Variants in AP2B1 observed in about 807,000 individuals in gnomAD.
AP2B1 encodes AP-2 complex subunit beta.
Under a neutral mutation model 102.0 loss-of-function variants are expected in AP2B1, and 23 were observed. The observed-to-expected ratio is 0.23, with a 90% CI of 0.16 to 0.32. AP2B1 has a LOEUF of 0.32. Among genes scored for constraint, AP2B1 ranks in the 10% least tolerant of loss-of-function variants. The pLI is 1.00. For missense variants in AP2B1, 541 were observed against 1,157.4 expected, an observed-to-expected ratio of 0.47 and a Z score of 7.73; for synonymous variants, 381 against 421.2, an observed-to-expected ratio of 0.90 and a Z score of 1.17.
rs533076388 is a variant in AP2B1 at position 35,627,992 on chromosome 17, G to A, written c.1155+266G>A. On this transcript the variant is annotated intron_variant, in intron 9 of 21. Transcript: ENST00000610402. ...CTCCATATCCATGAGTTCCACATCC[G>A]TGGATTCAGCTAACTGCGGATCAAA... Among the ~76,000 whole-genome samples the A allele has an allele frequency of 1.8e-4, 27 of 152,184 alleles. No homozygotes were observed. The South Asian group carries it at 5.4e-3, about 30-fold the overall frequency.
At position 35,725,203 on chromosome 17, in the gene AP2B1, C is replaced by CA. The variant is rs1257257649; in HGVS notation, c.*1505dup. 1 of 152,208 alleles carries CA rather than the reference C, an allele frequency of 6.6e-6. No homozygotes were observed. Among genetic ancestry groups the CA allele is most frequent in the Non-Finnish European group, 1.5e-5 (1 of 68,046 alleles). 9.4% of individuals were successfully genotyped at this position (152,208 alleles called of 1,614,324 possible). A position where few individuals can be genotyped will look rare whatever the true frequency, so the allele number is the denominator to read the frequency against. On this transcript the variant is annotated 3_prime_UTR_variant, in exon 22 of 22. Coordinates refer to ENST00000610402, the MANE Select transcript of AP2B1 (RefSeq NM_001030006.2). ...GGATATGATTTTTCAAAGAATGCTT[C>CA]ATGCCCAAAATACCAGCCTGTTTAG...
intron 13 of AP2B1, chr17:35,651,062 G>A: frequency 3.0e-6 from 1 of 330,648 alleles, no homozygotes; most frequent in Non-Finnish European, 5.5e-6. Context: ...AGAAAATTGT[G>A]GTGAAGACCT....
chr17:35,706,265 G>A (rs903533755), intron 18 of AP2B1, among the ~76,000 whole-genome samples: 2 of 152,184 alleles, frequency 1.3e-5, no homozygotes, highest in African/African-American at 4.8e-5. Flanking sequence ...GGACCTTTTT[G>A]TGTCCTTTCC....
rs758725105 is a variant in AP2B1, at chr17:35,642,012, T to C, written c.1536+37T>C. ...GGAAAAAGCAAGATGTTGATTTGTC[T>C]TGTTTCAAATTGTAGGAAATTATGA... On this transcript the variant is annotated intron_variant, in intron 12 of 21. Coordinates refer to ENST00000610402, the MANE Select transcript of AP2B1 (RefSeq NM_001030006.2). 8.2e-5 allele frequency: 121 copies of C among 1,479,904 alleles called. 1 individual carries two copies. In the South Asian group the frequency reaches 1.4e-3, roughly 17 times the overall value. The allele number at this position is 1,479,904 out of a possible 1,614,324, so 91.7% of individuals were successfully genotyped here. A position where few individuals can be genotyped will look rare whatever the true frequency, so the allele number is the denominator to read the frequency against.
At chr17:35,593,216 A>G (rs2073157315) in intron 1 of AP2B1, among the ~76,000 whole-genome samples, 1 of 152,214 alleles carries the variant, frequency 6.6e-6, no homozygotes, top group South Asian at 2.1e-4. Context: ...TACAATGAAT[A>G]AGATCTAGTA....
intron 7 of AP2B1, 60 bp downstream of exon 7, chr17:35,626,902 G>A (rs990463580): frequency 1.4e-6 from 2 of 1,452,822 alleles, no homozygotes; most frequent in East Asian, 2.3e-5. Flanking sequence ...GCTTAATAAT[G>A]TCAATGTTAA....
At chr17:35,701,762 C>T (rs1368995970) in intron 18 of AP2B1, among the ~76,000 whole-genome samples, 1 of 152,138 alleles carries the variant, frequency 6.6e-6, no homozygotes, top group Non-Finnish European at 1.5e-5. Flanking sequence ...ACCAAAGGCT[C>T]ATGCCACTGC....
At position 35,723,682 on chromosome 17, in the gene AP2B1, A is replaced by C. The variant is rs782567212; in HGVS notation, c.2839A>C (p.Ser947Arg). 5 of 1,612,294 alleles carry C rather than the reference A, an allele frequency of 3.1e-6. No individual in the cohort carries two copies. Among genetic ancestry groups the C allele is most frequent in the Non-Finnish European group, 4.2e-6 (5 of 1,178,318 alleles). Residue 947 changes from serine to arginine, a missense_variant, in exon 22 of 22, where the codon AGC (serine) becomes CGC (arginine). By Grantham distance (110) the Ser-to-Arg change is moderately radical. Transcript: ENST00000610402. ...TCAATACATCTATCAGGTCTACGACAGCATTTTGAAAAACTAACAAGACTG... is the reference window on the plus strand; with the variant it reads ...TCAATACATCTATCAGGTCTACGACCGCATTTTGAAAAACTAACAAGACTG... ...VSQYIYQVYD[S>R]ILKN is the part of the protein sequence containing the mutation.
At chr17:35,713,238 C>T (rs1598353024) in intron 20 of AP2B1, among the ~76,000 whole-genome samples, 1 of 152,240 alleles carries the variant, frequency 6.6e-6, no homozygotes, top group African/African-American at 2.4e-5. Flanking sequence ...GCTGTAGGTG[C>T]TCCAAATACC....
chr17:35,674,834 T>C (rs1036044188), intron 17 of AP2B1, among the ~76,000 whole-genome samples: 3 of 152,206 alleles, frequency 2.0e-5, no homozygotes, highest in Non-Finnish European at 4.4e-5. Flanking sequence ...CTCATCCAAA[T>C]GCGATGAAGA....
chr17:35,614,885 G>T (rs368177939), intron 5 of AP2B1, among the ~76,000 whole-genome samples: 1 of 152,102 alleles, frequency 6.6e-6, no homozygotes, highest in Non-Finnish European at 1.5e-5. Context: ...TAGCCAGCAC[G>T]TAGACACAGC....
chr17:35,659,778 T>C, intron 14 of AP2B1: 3 of 985,134 alleles, frequency 3.0e-6, no homozygotes, highest in Non-Finnish European at 3.6e-6. Flanking sequence ...AGAAATTGTT[T>C]ACAGTGCAGT....
intron 2 of AP2B1, among the ~76,000 whole-genome samples, chr17:35,595,546 C>G (rs965242627): frequency 1.3e-5 from 2 of 151,470 alleles, no homozygotes; most frequent in Non-Finnish European, 2.9e-5. Flanking sequence ...GACCCTGTCT[C>G]AAAAGAAAAA....
Position 35,628,610 on chromosome 17 carries a change from C to T in AP2B1, c.1155+884C>T, listed in dbSNP as rs556901370. The stretch of plus-strand genomic sequence containing the variant: ...TTTCACTCTGGGTGACAGAGCAAGA[C>T]GCTGTCTCAAAAAAAGAACAACAAT... On this transcript the variant is annotated intron_variant, in intron 9 of 21. Transcript: ENST00000610402. 2.6e-5 allele frequency among the ~76,000 whole-genome samples: 4 copies of T among 151,922 alleles called. No individual in the cohort carries two copies. In the South Asian group the frequency reaches 8.3e-4, roughly 32 times the overall value.
In AP2B1 at chr17:35,639,757, C is replaced by A; in HGVS notation, c.1434C>A (p.Thr478=). 1 of 1,613,176 alleles carries A rather than the reference C, an allele frequency of 6.2e-7. No individual in the cohort carries two copies. The highest frequency in any genetic ancestry group is 8.5e-7 in the Non-Finnish European group (1 of 1,179,554). The part of the protein sequence containing the change: ...SFLEGFHDES[T]QVQLTLLTAI... ...TGGAGGGTTTTCACGATGAAAGCAC[C>A]CAGGTAAGTTCTTGTCTCTTGTCTA... is the stretch of plus-strand genomic sequence containing the variant. The change falls in exon 11 of 22, where the codon ACC becomes ACA. Residue 478 remains threonine (T), a synonymous_variant. Transcript: ENST00000610402.
intron 12 of AP2B1, among the ~76,000 whole-genome samples, chr17:35,645,723 C>T (rs1402972214): frequency 1.3e-5 from 2 of 152,090 alleles, no homozygotes; most frequent in Admixed American, 1.3e-4. Context: ...GTGGCATGCG[C>T]CTGTAATCCC....
At chr17:35,608,802 A>G (rs1598020798) in intron 5 of AP2B1, among the ~76,000 whole-genome samples, 1 of 152,180 alleles carries the variant, frequency 6.6e-6, no homozygotes, top group Non-Finnish European at 1.5e-5. Flanking sequence ...GCATTTCTCT[A>G]TAGGGGAATT....
chr17:35,680,700 G>GT lies in AP2B1; in HGVS notation c.2325-1979dup, dbSNP rs1176447688. Among the ~76,000 whole-genome samples the GT allele has an allele frequency of 5.4e-3, 696 of 128,852 alleles. 10 individuals carry two copies. The highest frequency in any genetic ancestry group is 0.012 in the Middle Eastern group (3 of 248). 84.5% of individuals were successfully genotyped at this position (128,852 alleles called of 152,430 possible). Reference sequence around the variant, plus strand: ...CTATGGTTTTGGTTTTTTTTTTTTTGTTTTTTTTTTTTTTTTCAGACAGTC... The same window carrying GT: ...CTATGGTTTTGGTTTTTTTTTTTTTGTTTTTTTTTTTTTTTTTCAGACAGTC... On this transcript the variant is annotated intron_variant, in intron 17 of 21. Transcript: ENST00000610402.
intron 18 of AP2B1, among the ~76,000 whole-genome samples, chr17:35,704,184 T>C (rs1382980487): frequency 6.6e-6 from 1 of 152,224 alleles, no homozygotes; most frequent in Non-Finnish European, 1.5e-5. Context: ...TTGGTTCTTT[T>C]TTAACACCCA....
Sources: allele counts gnomAD v4.1 joint callset (sites outside exome capture counted in the v4.1 genomes callset), GRCh38; gene constraint gnomAD v4.1.1; transcripts MANE v1.5; gene names NCBI Gene and HGNC (gene_info 2026-07-23, HGNC 2026-07-21).